Variants in RPS6KA2 observed in about 807,000 individuals in gnomAD.
RPS6KA2 encodes the protein ribosomal protein S6 kinase A2.
RPS6KA2 carries 42 observed loss-of-function variants against 91.8 expected under a neutral mutation model. The ratio of observed to expected loss-of-function variants is 0.46; its 90% CI spans 0.36 to 0.59. RPS6KA2 has a LOEUF of 0.59. Among genes scored for constraint, RPS6KA2 ranks in the 20% least tolerant of loss-of-function variants. The pLI is 0.00. For missense variants in RPS6KA2, 798 were observed against 978.5 expected, an observed-to-expected ratio of 0.82 and a Z score of 2.46; for synonymous variants, 414 against 393.6, an observed-to-expected ratio of 1.05 and a Z score of -0.61.
chr6:166,836,532 C>T (rs1272136789), intron 2 of RPS6KA2, among the ~76,000 whole-genome samples: 3 of 152,218 alleles, frequency 2.0e-5, no homozygotes, highest in Middle Eastern at 3.4e-3. Flanking sequence ...CAGCTCATTA[C>T]AGAATACTTC....
intron 11 of RPS6KA2, among the ~76,000 whole-genome samples, chr6:166,464,629 C>T (rs959897814): frequency 6.6e-6 from 1 of 152,176 alleles, no homozygotes; most frequent in Non-Finnish European, 1.5e-5. Context: ...CTTGTGCTGT[C>T]TGCAGTGATT....
chr6:166,523,068 C>A (rs745547414), intron 3 of RPS6KA2, among the ~76,000 whole-genome samples: 5 of 152,192 alleles, frequency 3.3e-5, no homozygotes, highest in East Asian at 1.9e-4. Context: ...TGAAAAAAAT[C>A]TATTTCCTCC....
At chr6:166,420,517 G>A (rs1032943279) in intron 17 of RPS6KA2, among the ~76,000 whole-genome samples, 1 of 152,138 alleles carries the variant, frequency 6.6e-6, no homozygotes, top group African/African-American at 2.4e-5. Flanking sequence ...TTCTGTGACT[G>A]GCCCATTTCA....
At chr6:166,442,503 G>T (rs1453120463) in intron 14 of RPS6KA2, among the ~76,000 whole-genome samples, 2 of 152,200 alleles carry the variant, frequency 1.3e-5, no homozygotes, top group African/African-American at 2.4e-5. Context: ...AGGATTAAAT[G>T]ACTTCACACA....
intron 1 of RPS6KA2, among the ~76,000 whole-genome samples, chr6:166,550,062 G>T (rs1016667608): frequency 6.6e-6 from 1 of 152,158 alleles, no homozygotes; most frequent in African/African-American, 2.4e-5. Context: ...TCATGTATAT[G>T]ATGATTACCG....
rs762394591 is a variant in RPS6KA2, at chr6:166,475,841, T to C, written c.908-5936A>G. 1.6e-5 allele frequency: 8 copies of C among 508,268 alleles called. No homozygotes were observed. The African/African-American group carries it at 1.8e-4, about 12-fold the overall frequency. 31.5% of individuals were successfully genotyped at this position (508,268 alleles called of 1,614,324 possible). A position where few individuals can be genotyped will look rare whatever the true frequency, so the allele number is the denominator to read the frequency against. On this transcript the variant is annotated intron_variant, in intron 10 of 20. Transcript: ENST00000265678. ...GGGGGCAGAGGGCCGTTTTCTCACC[T>C]GCAGAGTGTAAGAGAGGAATGAGAT...
intron 2 of RPS6KA2, among the ~76,000 whole-genome samples, chr6:166,736,982 C>G (rs1461552057): frequency 4.0e-5 from 5 of 125,272 alleles, no homozygotes; most frequent in African/African-American, 1.2e-4. Context: ...ATAACCGATG[C>G]AGGGGGTGGG....
At chr6:166,722,396 G>T (rs901887887) in intron 2 of RPS6KA2, among the ~76,000 whole-genome samples, 1 of 152,226 alleles carries the variant, frequency 6.6e-6, no homozygotes, top group Admixed American at 6.5e-5. Context: ...GAGCCGCAGG[G>T]GGTGGGAGGC....
At chr6:166,678,275 G>A (rs928861866) in intron 2 of RPS6KA2, among the ~76,000 whole-genome samples, 3 of 152,032 alleles carry the variant, frequency 2.0e-5, no homozygotes, top group African/African-American at 4.8e-5. Flanking sequence ...TGCTCCTCAC[G>A]AGGCTCTTCC....
intron 2 of RPS6KA2, among the ~76,000 whole-genome samples, chr6:166,744,359 CG>C (rs113810032): frequency 0.35 from 53,911 of 152,028 alleles, 10,788 homozygotes; most frequent in African/African-American, 0.55. Flanking sequence ...ATGCTGGCCT[CG>C]CCGCAGACCT....
chr6:166,418,414 T>C lies in RPS6KA2; in HGVS notation c.1821-72A>G, dbSNP rs763907074. 9 of 1,133,136 alleles carry C rather than the reference T, an allele frequency of 7.9e-6. No individual in the cohort carries two copies. The highest frequency in any genetic ancestry group is 1.1e-5 in the Non-Finnish European group (8 of 745,406). The allele number at this position is 1,133,136 out of a possible 1,614,324, so 70.2% of individuals were successfully genotyped here. Reference sequence around the variant, plus strand: ...CTAAAATAAAGTTTGCAAGTTGATATCACCCCTTGGCTGTTCAAAGGAATA... The same window carrying C: ...CTAAAATAAAGTTTGCAAGTTGATACCACCCCTTGGCTGTTCAAAGGAATA... On this transcript the variant is annotated intron_variant, in intron 18 of 20. Coordinates refer to ENST00000265678, the MANE Select transcript of RPS6KA2 (RefSeq NM_021135.6). This position sits in a 1 kb window ranked among gnomAD's most constrained non-coding sequence, Gnocchi z 4.9.
intron 2 of RPS6KA2, among the ~76,000 whole-genome samples, chr6:166,843,186 G>A (rs1208477354): frequency 2.6e-5 from 4 of 152,068 alleles, no homozygotes; most frequent in South Asian, 4.2e-4. Context: ...ATTGGCCTGG[G>A]AATCACACCC....
At chr6:166,678,715 C>G (rs1380904206) in intron 2 of RPS6KA2, among the ~76,000 whole-genome samples, 1 of 152,172 alleles carries the variant, frequency 6.6e-6, no homozygotes, top group East Asian at 1.9e-4. Context: ...AGGTGGTGAC[C>G]TTTGTCCAAC....
chr6:166,564,987 C>T (rs757044908), intron 1 of RPS6KA2, among the ~76,000 whole-genome samples: 4 of 152,156 alleles, frequency 2.6e-5, no homozygotes, highest in Non-Finnish European at 5.9e-5. Flanking sequence ...TTTAATTACC[C>T]TTATGAGGTG....
intron 1 of RPS6KA2, among the ~76,000 whole-genome samples, chr6:166,599,359 C>T (rs1407601021): frequency 6.6e-6 from 1 of 152,160 alleles, no homozygotes; most frequent in Admixed American, 6.5e-5. Context: ...TAAACAGTGT[C>T]TCTGGTTTTC....
intron 2 of RPS6KA2, among the ~76,000 whole-genome samples, chr6:166,649,878 A>T (rs1007985152): frequency 3.3e-5 from 5 of 152,144 alleles, no homozygotes; most frequent in Non-Finnish European, 7.3e-5. Context: ...GCGAACTTTC[A>T]TTACCAGAGG....
intron 11 of RPS6KA2, among the ~76,000 whole-genome samples, chr6:166,469,295 C>T (rs1372741306): frequency 6.6e-6 from 1 of 150,902 alleles, no homozygotes; most frequent in African/African-American, 2.4e-5. Context: ...CTAACAGAAG[C>T]TCCAGTTTAT....
chr6:166,570,981 G>A (rs1010994943), intron 1 of RPS6KA2, among the ~76,000 whole-genome samples: 1 of 152,124 alleles, frequency 6.6e-6, no homozygotes, highest in African/African-American at 2.4e-5. Context: ...AACTTTACAC[G>A]AAATAATAAA....
At chr6:166,831,378 C>T (rs1174365013) in intron 2 of RPS6KA2, among the ~76,000 whole-genome samples, 1 of 152,108 alleles carries the variant, frequency 6.6e-6, no homozygotes, top group African/African-American at 2.4e-5. Context: ...GACTATGGAG[C>T]TTCTCTACTT....
Sources: allele counts gnomAD v4.1 joint callset (sites outside exome capture counted in the v4.1 genomes callset), GRCh38; gene constraint gnomAD v4.1.1; non-coding constraint Gnocchi (gnomAD v3.1); transcripts MANE v1.5; gene names NCBI Gene and HGNC (gene_info 2026-07-23, HGNC 2026-07-21).